CLPTM1L: variants seen among roughly 807,000 people sequenced by gnomAD.
The protein encoded by CLPTM1L is CLPTM1 like.
CLPTM1L carries 38 observed loss-of-function variants against 70.9 expected under a neutral mutation model. The ratio of observed to expected loss-of-function variants is 0.54; its 90% CI spans 0.41 to 0.70. The LOEUF (loss-of-function observed/expected upper bound fraction) is 0.70. Among genes scored for constraint, CLPTM1L ranks in the 30% least tolerant of loss-of-function variants. The pLI is 0.00. For synonymous variants in CLPTM1L, 339 were observed against 299.9 expected (o/e 1.13, Z -1.35); for missense variants, 652 against 705.9 (o/e 0.92, Z 0.87).
At chr5:1,336,497 T>G (rs1753586341) in intron 5 of CLPTM1L, among the ~76,000 whole-genome samples, 1 of 152,224 alleles carries the variant, frequency 6.6e-6, no homozygotes, top group African/African-American at 2.4e-5. Context: ...TGCCTGCCCC[T>G]GTCCACCATC....
intron 3 of CLPTM1L, among the ~76,000 whole-genome samples, chr5:1,341,447 G>A (rs912122402): frequency 2.0e-5 from 3 of 152,174 alleles, no homozygotes; most frequent in Admixed American, 1.3e-4. Context: ...GAATGCCAGC[G>A]ATCACTTCAA....
At chr5:1,325,558 G>T (rs932063412) in intron 10 of CLPTM1L, 193 bp downstream of exon 10, 1 of 609,126 alleles carries the variant, frequency 1.6e-6, no homozygotes, top group Non-Finnish European at 3.0e-6. Flanking sequence ...GTCAGAACTA[G>T]GTATATGACC....
chr5:1,334,213 C>T, intron 7 of CLPTM1L, 76 bp downstream of exon 7: 1 of 1,078,212 alleles, frequency 9.3e-7, no homozygotes, highest in Non-Finnish European at 1.4e-6. Context: ...ACCCCAGGTC[C>T]AGGACCCCTG....
Position 1,335,092 on chromosome 5 carries a change from T to C in CLPTM1L, c.761A>G (p.His254Arg), listed in dbSNP as rs1753483644. 6.2e-7 allele frequency: 1 copy of C among 1,613,396 alleles called. No individual in the cohort carries two copies. The highest frequency in any genetic ancestry group is 1.7e-5 in the Admixed American group (1 of 60,012). ...CAGGGAGTACACGGCGTCCTGCATG[T>C]GGATCCAGAAGCGCAGCCGCCCCAG... ...VSLGRLRFWI[H>R]MQDAVYSLQQ... Residue 254 changes from histidine to arginine, a missense_variant, in exon 6 of 17, where the codon CAC (histidine) becomes CGC (arginine). Around this residue, in one of 3 missense-constraint regions of CLPTM1L, gnomAD observed 402 missense variants for 388.2 expected, o/e 1.04. Coordinates refer to ENST00000320895, the MANE Select transcript of CLPTM1L (RefSeq NM_030782.5).
intron 5 of CLPTM1L, among the ~76,000 whole-genome samples, chr5:1,336,130 G>A (rs1319959381): frequency 1.3e-5 from 2 of 152,228 alleles, no homozygotes; most frequent in Non-Finnish European, 2.9e-5. Flanking sequence ...CAGTGCACAT[G>A]GATGGTGGCC....
At chr5:1,325,682 C>T (rs1001523418) in intron 10 of CLPTM1L, 69 bp downstream of exon 10, 16 of 1,376,462 alleles carry the variant, frequency 1.2e-5, no homozygotes, top group Admixed American at 6.9e-5. Flanking sequence ...CCATCTTACT[C>T]TTTGCACAGG....
In CLPTM1L at chr5:1,321,785, G is replaced by A; in HGVS notation, c.1350C>T (p.Pro450=). 6.2e-7 allele frequency: 1 copy of A among 1,614,080 alleles called. No homozygotes were observed. The highest frequency in any genetic ancestry group is 8.5e-7 in the Non-Finnish European group (1 of 1,180,004). The change falls in exon 14 of 17, where the codon CCC becomes CCT. Residue 450 remains proline (P), a synonymous_variant. Coordinates refer to ENST00000320895, the MANE Select transcript of CLPTM1L (RefSeq NM_030782.5). ...VYAFGFLFML[P]QLFVNYKLKS... ...TTACCTTGTAGTTCACAAAGAGCTG[G>A]GGCAGCATGAAGAGGAAACCAAAGG...
At position 1,325,733 on chromosome 5, in the gene CLPTM1L, A is replaced by AT. The variant is rs763452820; in HGVS notation, c.1146+17dup. 2.6e-4 allele frequency: 418 copies of AT among 1,609,262 alleles called. 1 individual carries two copies. Among genetic ancestry groups the AT allele is most frequent in the Non-Finnish European group, 3.5e-4 (413 of 1,175,738 alleles). ...CTTCAGAGAGGCTTGGGGTTCAGCC[A>AT]TTACAACTAAATCCTACCTGAAATT... On this transcript the variant is annotated intron_variant, in intron 10 of 16. Coordinates refer to ENST00000320895, the MANE Select transcript of CLPTM1L (RefSeq NM_030782.5).
At chr5:1,326,490 T>A (rs1391382913) in intron 9 of CLPTM1L, 6 of 241,916 alleles carry the variant, frequency 2.5e-5, no homozygotes, top group Non-Finnish European at 3.9e-5. Context: ...ATCCAGCTCC[T>A]CCTCTACAGG....
At chr5:1,331,463 TCAGCGCC>T in intron 8 of CLPTM1L, 1 of 403,922 alleles carries the variant, frequency 2.5e-6, no homozygotes, top group Non-Finnish European at 4.6e-6. Context: ...CCAGCCCTGC[TCAGCGCC>T]CATGAGCAGC....
rs564149697 is a variant in CLPTM1L, at chr5:1,319,916, A to C, written c.1532+700T>G. ...GGGGAGCCCCAGATCCCTGGCTCCT[A>C]CCCTGGCACAGCAGAGCTGGAGGGA... On this transcript the variant is annotated intron_variant, in intron 16 of 16. Transcript: ENST00000320895. 1.9e-4 allele frequency among the ~76,000 whole-genome samples: 29 copies of C among 152,334 alleles called. 1 individual carries two copies. In the South Asian group the frequency reaches 5.6e-3, roughly 29 times the overall value.
intron 16 of CLPTM1L, among the ~76,000 whole-genome samples, chr5:1,319,093 C>G (rs374133041): frequency 5.3e-5 from 8 of 152,190 alleles, no homozygotes; most frequent in Admixed American, 6.5e-5. Flanking sequence ...AGGCACGCCC[C>G]GGGCCACCTG....
At chr5:1,334,055 A>G (rs1232503402) in intron 7 of CLPTM1L, among the ~76,000 whole-genome samples, 4 of 152,164 alleles carry the variant, frequency 2.6e-5, no homozygotes, top group African/African-American at 9.7e-5. Flanking sequence ...CAAGTCGCCA[A>G]GGCTGTGGAC....
At chr5:1,340,631 G>A (rs1753880149) in intron 3 of CLPTM1L, among the ~76,000 whole-genome samples, 1 of 152,194 alleles carries the variant, frequency 6.6e-6, no homozygotes, top group Non-Finnish European at 1.5e-5. Context: ...AGGGGCAGGT[G>A]AGGGATGTTC....
intron 8 of CLPTM1L, 115 bp from the exon 9 acceptor site, chr5:1,330,498 C>T (rs540756947): frequency 1.6e-5 from 12 of 735,924 alleles, no homozygotes; most frequent in Non-Finnish European, 2.6e-5. Context: ...CAAGAAGCTT[C>T]AGGTACTCCC....
chr5:1,343,934 T>G (rs1754106083), intron 2 of CLPTM1L, among the ~76,000 whole-genome samples: 1 of 152,386 alleles, frequency 6.6e-6, no homozygotes, highest in Non-Finnish European at 1.5e-5. Flanking sequence ...TTTATGATTT[T>G]CTACAAAATT....
chr5:1,326,236 C>A (rs1320836732), intron 9 of CLPTM1L: 1 of 247,184 alleles, frequency 4.0e-6, no homozygotes, highest in Non-Finnish European at 7.8e-6. Flanking sequence ...GGTGCCAGAG[C>A]CGGGCACGGC....
intron 9 of CLPTM1L, among the ~76,000 whole-genome samples, chr5:1,326,874 G>A (rs944028046): frequency 2.0e-5 from 3 of 149,514 alleles, no homozygotes; most frequent in Non-Finnish European, 4.4e-5. Context: ...CTCCTCGACA[G>A]ACACATTTCA....
chr5:1,344,287 T>G, intron 2 of CLPTM1L, 64 bp downstream of exon 2: 1 of 1,142,344 alleles, frequency 8.8e-7, no homozygotes, highest in East Asian at 2.4e-5. Context: ...GAAAGCTAAC[T>G]TTTAAACAAT....
Sources: allele counts gnomAD v4.1 joint callset (sites outside exome capture counted in the v4.1 genomes callset), GRCh38; gene constraint gnomAD v4.1.1; regional missense constraint gnomAD v4.1.1; transcripts MANE v1.5; gene names NCBI Gene and HGNC (gene_info 2026-07-23, HGNC 2026-07-21).